Variants in ATP9A observed in about 807,000 individuals in gnomAD.
The protein encoded by ATP9A is ATPase phospholipid transporting 9A, also known as probable phospholipid-transporting ATPase IIA.
In ATP9A, 52 loss-of-function variants were observed where a neutral mutation model predicts 144.1. The ratio of observed to expected loss-of-function variants is 0.36; its 90% CI spans 0.29 to 0.45. The LOEUF (loss-of-function observed/expected upper bound fraction) is 0.45. Among genes scored for constraint, ATP9A ranks in the 20% least tolerant of loss-of-function variants. The pLI is 1.00. For synonymous variants in ATP9A, 582 were observed against 557.4 expected (o/e 1.04, Z -0.62); for missense variants, 947 against 1,392.7 (o/e 0.68, Z 5.09).
intron 9 of ATP9A, among the ~76,000 whole-genome samples, chr20:51,676,548 C>A (rs8120051): frequency 3.9e-5 from 6 of 151,970 alleles, no homozygotes; most frequent in Non-Finnish European, 5.9e-5. Flanking sequence ...GCGTGATCTC[C>A]GCTTACTGCA....
intron 3 of ATP9A, among the ~76,000 whole-genome samples, chr20:51,721,833 AAAC>A (rs1195507330): frequency 2.6e-5 from 4 of 151,754 alleles, no homozygotes; most frequent in Non-Finnish European, 4.4e-5. Context: ...AAAAAAGAAA[AAAC>A]AATTCTAAAA....
In ATP9A at chr20:51,600,805, AAAACACACACACACACACACAC is replaced by A. The variant is rs1204884238; in HGVS notation, c.*384_*405del. ...AGTACATACACATTAGGACTCTTTA[AAAACACACACACACACACACAC>A]ACACACACACACACACACAAGCCTT... On this transcript the variant is annotated 3_prime_UTR_variant, in exon 28 of 28. Coordinates refer to ENST00000338821, the MANE Select transcript of ATP9A (RefSeq NM_006045.3). The A allele has an allele frequency of 8.2e-6, 1 of 122,690 alleles. No individual in the cohort carries two copies. The highest frequency in any genetic ancestry group is 1.7e-5 in the Non-Finnish European group (1 of 60,284). The allele number at this position is 122,690 out of a possible 1,614,324, so 7.6% of individuals were successfully genotyped here.
At chr20:51,625,004 CAAAA>C (rs71192538) in intron 18 of ATP9A, among the ~76,000 whole-genome samples, 184 bp downstream of exon 18, 127 of 100,800 alleles carry the variant, frequency 1.3e-3, no homozygotes, top group African/African-American at 3.9e-3. Flanking sequence ...GACCCCGTCT[CAAAA>C]AAAAAAAAAA....
chr20:51,627,393 G>C (rs544232088), intron 17 of ATP9A, among the ~76,000 whole-genome samples: 1 of 152,300 alleles, frequency 6.6e-6, no homozygotes, highest in South Asian at 2.1e-4. Flanking sequence ...AGACCCAAAA[G>C]AAGCGAGGAA....
intron 14 of ATP9A, among the ~76,000 whole-genome samples, chr20:51,639,770 C>T (rs1013307940): frequency 3.3e-5 from 5 of 152,158 alleles, no homozygotes; most frequent in Admixed American, 6.5e-5. Context: ...AGAGGCATGG[C>T]GGAAAGAGAT....
intron 1 of ATP9A, among the ~76,000 whole-genome samples, chr20:51,732,768 C>G (rs2077747512): frequency 6.6e-6 from 1 of 151,856 alleles, no homozygotes; most frequent in Non-Finnish European, 1.5e-5. Flanking sequence ...AGTGGACACT[C>G]ACTGAATACA....
chr20:51,726,037 G>A, intron 2 of ATP9A, 105 bp from the exon 3 acceptor site: 1 of 743,006 alleles, frequency 1.3e-6, no homozygotes, highest in Admixed American at 2.3e-5. Flanking sequence ...CCTGCAGCCA[G>A]GCGTGGTGGT....
chr20:51,757,869 T>G (rs974581671), intron 1 of ATP9A, among the ~76,000 whole-genome samples: 2 of 150,910 alleles, frequency 1.3e-5, no homozygotes, highest in African/African-American at 4.9e-5. Flanking sequence ...CCCACTGTAC[T>G]CCAGCCTGAG....
chr20:51,612,070 C>T (rs992317109), intron 23 of ATP9A, among the ~76,000 whole-genome samples: 8 of 152,208 alleles, frequency 5.3e-5, no homozygotes, highest in South Asian at 2.1e-4. Flanking sequence ...CTACTAATCA[C>T]GGTAAGGATG....
intron 9 of ATP9A, among the ~76,000 whole-genome samples, chr20:51,685,456 G>A (rs2077519147): frequency 6.6e-6 from 1 of 152,022 alleles, no homozygotes; most frequent in Non-Finnish European, 1.5e-5. Flanking sequence ...CAGCTACTCG[G>A]GAGGCTGAGG....
chr20:51,729,721 G>C (rs1435432276), intron 2 of ATP9A, 113 bp downstream of exon 2: 1 of 1,248,252 alleles, frequency 8.0e-7, no homozygotes, highest in Non-Finnish European at 1.1e-6. Flanking sequence ...CTCCAGCCTG[G>C]GCGACAGAGT....
chr20:51,625,109 T>C, intron 18 of ATP9A, 83 bp downstream of exon 18: 4 of 1,403,024 alleles, frequency 2.9e-6, no homozygotes, highest in Admixed American at 1.9e-5. Flanking sequence ...CCTCCCACCC[T>C]TTCCCCCTGT....
chr20:51,637,813 T>C (rs2077299218), intron 15 of ATP9A, among the ~76,000 whole-genome samples: 1 of 151,090 alleles, frequency 6.6e-6, no homozygotes, highest in Admixed American at 6.6e-5. Flanking sequence ...CTGAGCAGTA[T>C]ACACTGAACC....
chr20:51,639,222 T>G, intron 15 of ATP9A, 121 bp downstream of exon 15: 1 of 1,110,660 alleles, frequency 9.0e-7, no homozygotes, highest in Non-Finnish European at 1.3e-6. Flanking sequence ...TTATATTCCC[T>G]TGTTAGTCTG....
At chr20:51,618,123 G>A (rs1417227105) in intron 21 of ATP9A, among the ~76,000 whole-genome samples, 3 of 151,978 alleles carry the variant, frequency 2.0e-5, no homozygotes, top group African/African-American at 7.3e-5. Flanking sequence ...GGGAGGCTGA[G>A]GCAGGAGAAT....
intron 6 of ATP9A, 144 bp downstream of exon 6, chr20:51,695,949 C>G: frequency 1.4e-6 from 1 of 699,650 alleles, no homozygotes; most frequent in South Asian, 1.9e-5. Flanking sequence ...GTTTAAAAAG[C>G]ACGGTCTATT....
chr20:51,714,807 T>G (rs2077655228), intron 3 of ATP9A, among the ~76,000 whole-genome samples: 1 of 152,252 alleles, frequency 6.6e-6, no homozygotes, highest in Non-Finnish European at 1.5e-5. Context: ...ATAAGGAAAC[T>G]CTATTAAAGT....
chr20:51,662,594 A>T (rs1193925276), intron 13 of ATP9A, among the ~76,000 whole-genome samples: 9 of 146,856 alleles, frequency 6.1e-5, no homozygotes, highest in African/African-American at 1.7e-4. Context: ...TGCTTTATTT[A>T]TTTTTTTTTT....
intron 1 of ATP9A, among the ~76,000 whole-genome samples, chr20:51,732,882 G>A (rs1216362977): frequency 6.6e-6 from 1 of 151,882 alleles, no homozygotes; most frequent in African/African-American, 2.4e-5. Context: ...GACAGAAAGC[G>A]CATCACCGTA....
Sources: allele counts gnomAD v4.1 joint callset (sites outside exome capture counted in the v4.1 genomes callset), GRCh38; gene constraint gnomAD v4.1.1; transcripts MANE v1.5; gene names NCBI Gene and HGNC (gene_info 2026-07-23, HGNC 2026-07-21).